Variants in SLC6A11 observed in about 807,000 individuals in gnomAD.
SLC6A11 encodes solute carrier family 6 member 11, also known as sodium- and chloride-dependent GABA transporter 3.
In SLC6A11, 25 loss-of-function variants were observed where a neutral mutation model predicts 74.8. The observed-to-expected ratio is 0.33, with a 90% CI of 0.24 to 0.47. The LOEUF (loss-of-function observed/expected upper bound fraction) is 0.47. Ranked by LOEUF, SLC6A11 falls within the 20% of genes least tolerant of loss-of-function variation. The probability of loss-of-function intolerance (pLI) is 1.00; values close to 1 mark genes in which losing one functional copy is unlikely to be tolerated. For missense variants in SLC6A11, 574 were observed against 837.0 expected (o/e 0.69, Z 3.88); for synonymous variants, 330 against 330.2 (o/e 1.00, Z 0.01).
chr3:10,874,031 T>G (rs1419326318), intron 5 of SLC6A11, among the ~76,000 whole-genome samples: 1 of 151,632 alleles, frequency 6.6e-6, no homozygotes, highest in Non-Finnish European at 1.5e-5. Flanking sequence ...TCCTATCCTA[T>G]CCTACGTTAG....
chr3:10,909,639 T>G (rs1695359033), intron 6 of SLC6A11, among the ~76,000 whole-genome samples: 1 of 152,152 alleles, frequency 6.6e-6, no homozygotes, highest in Non-Finnish European at 1.5e-5. Flanking sequence ...CATTAACAAG[T>G]GTGACTGGAG....
chr3:10,868,685 G>A (rs1016417213), intron 5 of SLC6A11, among the ~76,000 whole-genome samples: 22 of 152,210 alleles, frequency 1.4e-4, no homozygotes, highest in Admixed American at 9.2e-4. Flanking sequence ...GGAACAGCCA[G>A]GCTTGATGGT....
In SLC6A11 at chr3:10,926,656, C is replaced by G. The variant is rs1213786628; in HGVS notation, c.1233+540C>G. 2.6e-5 allele frequency among the ~76,000 whole-genome samples: 4 copies of G among 152,162 alleles called. No homozygotes were observed. The highest frequency in any genetic ancestry group is 5.9e-5 in the Non-Finnish European group (4 of 68,040). On this transcript the variant is annotated intron_variant, in intron 9 of 13. Transcript: ENST00000254488. This position sits in a 1 kb window ranked among gnomAD's most constrained non-coding sequence, Gnocchi z 5.7. ...CTCGGCCCTCCCTAGAGGCCCCTTG[C>G]CAACCTCCCCCTGCTTGGCAGCCTC...
chr3:10,879,012 C>G (rs1313177636), intron 6 of SLC6A11, among the ~76,000 whole-genome samples: 1 of 152,184 alleles, frequency 6.6e-6, no homozygotes, highest in Non-Finnish European at 1.5e-5. Flanking sequence ...GGAGCAAGGT[C>G]TGTATCTGCC....
chr3:10,939,035 G>C lies in SLC6A11; in HGVS notation c.*633G>C, dbSNP rs540362257. ...GCCTCAGTTTCCCCATCTCCCAAATGGGAGGAGGAGCCGGATTGGGTTATT... is the reference window on the plus strand; with the variant it reads ...GCCTCAGTTTCCCCATCTCCCAAATCGGAGGAGGAGCCGGATTGGGTTATT... On this transcript the variant is annotated 3_prime_UTR_variant, in exon 14 of 14. Coordinates refer to ENST00000254488, the MANE Select transcript of SLC6A11 (RefSeq NM_014229.3). 6.6e-6 allele frequency: 1 copy of C among 152,402 alleles called. No homozygotes were observed. Among genetic ancestry groups the C allele is most frequent in the Admixed American group, 6.5e-5 (1 of 15,306 alleles). 9.4% of individuals were successfully genotyped at this position (152,402 alleles called of 1,614,324 possible).
intron 3 of SLC6A11, among the ~76,000 whole-genome samples, chr3:10,821,421 A>G (rs567164484): frequency 1.3e-5 from 2 of 152,350 alleles, no homozygotes; most frequent in African/African-American, 2.4e-5. Flanking sequence ...TACTAAGTGA[A>G]GTCCAGTTGA....
At chr3:10,869,355 G>A (rs1413181542) in intron 5 of SLC6A11, among the ~76,000 whole-genome samples, 1 of 152,208 alleles carries the variant, frequency 6.6e-6, no homozygotes, top group Non-Finnish European at 1.5e-5. Context: ...CTTCTGTAGC[G>A]AGACAGACAT....
intron 4 of SLC6A11, among the ~76,000 whole-genome samples, chr3:10,828,470 G>A (rs541778664): frequency 5.9e-5 from 9 of 152,278 alleles, no homozygotes; most frequent in Non-Finnish European, 1.2e-4. Flanking sequence ...TGGGATCAGA[G>A]GAACTAGAGT....
At chr3:10,875,668 G>T (rs1407413755) in intron 6 of SLC6A11, among the ~76,000 whole-genome samples, 2 of 152,170 alleles carry the variant, frequency 1.3e-5, no homozygotes. Context: ...TGGAGAAACT[G>T]GCTAAGCTAT....
At chr3:10,840,311 A>G (rs113649280) in intron 4 of SLC6A11, among the ~76,000 whole-genome samples, 3,418 of 151,902 alleles carry the variant, frequency 0.023, 61 homozygotes, top group Non-Finnish European at 0.032. Context: ...TCTCCTGCAT[A>G]TGCCCCCCAC....
At position 10,873,532 on chromosome 3, in the gene SLC6A11, G is replaced by GTCCTATCCTATCCTATCCTATCCTA. The variant is rs1208134845; in HGVS notation, c.757-1409_757-1408insTCCTATCCTATCCTATCCTATCCTA. Among the ~76,000 whole-genome samples the GTCCTATCCTATCCTATCCTATCCTA allele has an allele frequency of 3.9e-5, 3 of 76,698 alleles. No homozygotes were observed. The South Asian group carries it at 1.5e-3, about 38-fold the overall frequency. The allele number at this position is 76,698 out of a possible 152,430, so 50.3% of individuals were successfully genotyped here. A position where few individuals can be genotyped will look rare whatever the true frequency, so the allele number is the denominator to read the frequency against. On this transcript the variant is annotated intron_variant, in intron 5 of 13. Coordinates refer to ENST00000254488, the MANE Select transcript of SLC6A11 (RefSeq NM_014229.3). ...ATCCTATGCCATGCCATCCTATCCT[G>GTCCTATCCTATCCTATCCTATCCTA]TCCTATCCTATCCTATCCTACCCTA...
At chr3:10,830,597 C>T (rs1409029336) in intron 4 of SLC6A11, among the ~76,000 whole-genome samples, 1 of 152,084 alleles carries the variant, frequency 6.6e-6, no homozygotes, top group Non-Finnish European at 1.5e-5. Flanking sequence ...AGAAAGTGTT[C>T]AAGGGTCAGG....
intron 6 of SLC6A11, among the ~76,000 whole-genome samples, chr3:10,887,637 G>C (rs772716144): frequency 3.3e-5 from 5 of 152,068 alleles, no homozygotes; most frequent in Non-Finnish European, 5.9e-5. Context: ...GTACAGACAG[G>C]GTTTCACCAT....
chr3:10,876,533 C>T (rs1694908536), intron 6 of SLC6A11, among the ~76,000 whole-genome samples: 1 of 152,092 alleles, frequency 6.6e-6, no homozygotes, highest in Non-Finnish European at 1.5e-5. Flanking sequence ...CTGAGTGTCA[C>T]CCAGAGTTTC....
At chr3:10,843,294 T>C (rs1210432346) in intron 4 of SLC6A11, among the ~76,000 whole-genome samples, 1 of 152,148 alleles carries the variant, frequency 6.6e-6, no homozygotes, top group Non-Finnish European at 1.5e-5. Context: ...CTGGGCCCTC[T>C]GGGAAGCCTC....
rs749582813 is a variant in SLC6A11 at position 10,940,667 on chromosome 3, A to C, written c.*2265A>C. 6.6e-6 allele frequency: 1 copy of C among 152,242 alleles called. No individual in the cohort carries two copies. The highest frequency in any genetic ancestry group is 1.5e-5 in the Non-Finnish European group (1 of 68,042). The allele number at this position is 152,242 out of a possible 1,614,324, so 9.4% of individuals were successfully genotyped here. A position where few individuals can be genotyped will look rare whatever the true frequency, so the allele number is the denominator to read the frequency against. On this transcript the variant is annotated 3_prime_UTR_variant, in exon 14 of 14. Transcript: ENST00000254488. ...TTTTTATTGGGCATTCAAAGGGTGCAAGATTGTCTGCTTACTCATTTTTAA... is the reference window on the plus strand; with the variant it reads ...TTTTTATTGGGCATTCAAAGGGTGCCAGATTGTCTGCTTACTCATTTTTAA...
intron 11 of SLC6A11, among the ~76,000 whole-genome samples, chr3:10,933,680 A>G (rs1027121364): frequency 1.3e-5 from 2 of 152,156 alleles, no homozygotes; most frequent in African/African-American, 4.8e-5. Flanking sequence ...CACTCCTGCC[A>G]TGAGTGTGGC....
intron 7 of SLC6A11, 73 bp downstream of exon 7, chr3:10,912,266 T>C (rs374009620): frequency 1.9e-6 from 2 of 1,034,924 alleles, no homozygotes; most frequent in Admixed American, 1.7e-5. Context: ...GGCTAGTTTA[T>C]GTTTGTCTGC....
chr3:10,881,569 C>G (rs1310972718), intron 6 of SLC6A11, among the ~76,000 whole-genome samples: 1 of 152,206 alleles, frequency 6.6e-6, no homozygotes, highest in Non-Finnish European at 1.5e-5. Context: ...ATTGCCTTGT[C>G]TCTTGTGGCT....
Sources: gnomAD v4.1 joint callset for allele counts (sites outside exome capture counted in the v4.1 genomes callset) on GRCh38, gnomAD v4.1.1 for gene constraint, Gnocchi (gnomAD v3.1) non-coding constraint, MANE v1.5 for transcripts, NCBI Gene and HGNC (gene_info 2026-07-23, HGNC 2026-07-21) for gene names.